The following ENAH variants were observed in gnomAD, a reference collection of about 807,000 sequenced individuals.
ENAH encodes the protein protein enabled homolog.
A neutral mutation model predicts 78.7 loss-of-function variants in ENAH; 23 were observed. The observed-to-expected ratio is 0.29, with a 90% CI of 0.21 to 0.41. ENAH has a LOEUF of 0.41. Ranked by LOEUF, ENAH falls within the 10% of genes least tolerant of loss-of-function variation. The probability of loss-of-function intolerance (pLI) is 1.00; values close to 1 mark genes in which losing one functional copy is unlikely to be tolerated. For synonymous variants in ENAH, 226 were observed against 241.0 expected (o/e 0.94, Z 0.58); for missense variants, 544 against 691.0 (o/e 0.79, Z 2.39).
At chr1:225,628,988 C>G (rs1304976537) in intron 1 of ENAH, among the ~76,000 whole-genome samples, 1 of 151,414 alleles carries the variant, frequency 6.6e-6, no homozygotes, top group Non-Finnish European at 1.5e-5. Flanking sequence ...TTGAGCAAGA[C>G]AGAAATATGG....
intron 1 of ENAH, among the ~76,000 whole-genome samples, chr1:225,591,999 G>C (rs576089932): frequency 6.6e-6 from 1 of 152,058 alleles, no homozygotes; most frequent in African/African-American, 2.4e-5. Context: ...TCTGTTCCCT[G>C]ATTTCTAGAG....
chr1:225,596,926 T>TA (rs1474471701), intron 1 of ENAH, among the ~76,000 whole-genome samples: 1 of 152,180 alleles, frequency 6.6e-6, no homozygotes, highest in East Asian at 1.9e-4. Context: ...ACCAGTGGGA[T>TA]AAAAATGGCA....
intron 1 of ENAH, among the ~76,000 whole-genome samples, chr1:225,587,671 A>T (rs2096854159): frequency 6.6e-6 from 1 of 152,184 alleles, no homozygotes; most frequent in South Asian, 2.1e-4. Context: ...ATTCATATGG[A>T]AATTCAAAGA....
chr1:225,584,177 A>G (rs76579422), intron 1 of ENAH, among the ~76,000 whole-genome samples: 6,867 of 152,296 alleles, frequency 0.045, 242 homozygotes, highest in South Asian at 0.12. Context: ...TAAATACAGG[A>G]TAAATATAAA....
chr1:225,532,985 T>A (rs563745074), intron 3 of ENAH, among the ~76,000 whole-genome samples: 3 of 152,118 alleles, frequency 2.0e-5, no homozygotes, highest in African/African-American at 7.2e-5. Flanking sequence ...TTTCCAGACA[T>A]CCTTTAAATT....
intron 1 of ENAH, among the ~76,000 whole-genome samples, chr1:225,620,353 C>T (rs928060403): frequency 6.6e-6 from 1 of 151,834 alleles, no homozygotes; most frequent in Non-Finnish European, 1.5e-5. Flanking sequence ...TGGTGAAACC[C>T]CGTATCTACC....
At chr1:225,581,855 A>ATTTTTTTT (rs35457889) in intron 1 of ENAH, among the ~76,000 whole-genome samples, 1 of 143,364 alleles carries the variant, frequency 7.0e-6, no homozygotes. Context: ...CACCCAGCTA[A>ATTTTTTTT]TTTTTTTTTT....
At chr1:225,573,771 T>TC (rs35006717) in intron 1 of ENAH, among the ~76,000 whole-genome samples, 1 of 152,184 alleles carries the variant, frequency 6.6e-6, no homozygotes, top group Non-Finnish European at 1.5e-5. Context: ...TTAATGATAC[T>TC]CCCAGTTAGT....
intron 4 of ENAH, among the ~76,000 whole-genome samples, chr1:225,520,955 AGG>A (rs1229513050): frequency 1.3e-3 from 6 of 4,460 alleles, no homozygotes; most frequent in South Asian, 5.8e-3. Flanking sequence ...GGAGGGAGGG[AGG>A]GAGGGAGGGA....
intron 1 of ENAH, among the ~76,000 whole-genome samples, chr1:225,583,390 C>A (rs1377036190): frequency 1.4e-5 from 2 of 142,828 alleles, no homozygotes; most frequent in African/African-American, 5.2e-5. Context: ...GCCAAGATCG[C>A]GCCATTGCAC....
chr1:225,593,983 C>G (rs1164461582), intron 1 of ENAH, among the ~76,000 whole-genome samples: 3 of 152,188 alleles, frequency 2.0e-5, no homozygotes, highest in Non-Finnish European at 4.4e-5. Context: ...CTTGAGATTA[C>G]ACTTGGTATT....
chr1:225,642,624 T>G (rs1424898612), intron 1 of ENAH, among the ~76,000 whole-genome samples: 1 of 152,154 alleles, frequency 6.6e-6, no homozygotes, highest in Non-Finnish European at 1.5e-5. Flanking sequence ...AAGCTATGAT[T>G]GTACCACTGC....
chr1:225,646,414 T>C (rs1661971488), intron 1 of ENAH, among the ~76,000 whole-genome samples: 1 of 151,908 alleles, frequency 6.6e-6, no homozygotes, highest in East Asian at 1.9e-4. Context: ...CACCCTACCA[T>C]GTGAGGACAC....
At chr1:225,615,659 C>A (rs151229545) in intron 1 of ENAH, among the ~76,000 whole-genome samples, 2 of 150,906 alleles carry the variant, frequency 1.3e-5, no homozygotes, top group Non-Finnish European at 1.5e-5. Flanking sequence ...CCCGCCACCC[C>A]GTCTGGGATG....
At chr1:225,615,762 C>T (rs2097026510) in intron 1 of ENAH, among the ~76,000 whole-genome samples, 1 of 151,810 alleles carries the variant, frequency 6.6e-6, no homozygotes, top group South Asian at 2.1e-4. Flanking sequence ...AGGAGCGTCT[C>T]TGCCCGGCCG....
chr1:225,508,633 C>CT (rs899258160), intron 10 of ENAH: 1 of 152,216 alleles, frequency 6.6e-6, no homozygotes, highest in African/African-American at 2.4e-5. Context: ...GCTCTAAGCT[C>CT]TTATTACAAA....
At chr1:225,614,974 T>C (rs891401732) in intron 1 of ENAH, among the ~76,000 whole-genome samples, 1 of 151,848 alleles carries the variant, frequency 6.6e-6, no homozygotes, top group Non-Finnish European at 1.5e-5. Flanking sequence ...GTAATACTTT[T>C]CTCCCTCTCC....
At chr1:225,637,276 C>T (rs1409276182) in intron 1 of ENAH, among the ~76,000 whole-genome samples, 1 of 152,144 alleles carries the variant, frequency 6.6e-6, no homozygotes, top group African/African-American at 2.4e-5. Context: ...GGTGCAATCT[C>T]TGCTCACTGC....
chr1:225,504,337 G>A (rs750378811), intron 11 of ENAH, among the ~76,000 whole-genome samples: 3 of 151,848 alleles, frequency 2.0e-5, no homozygotes, highest in Admixed American at 6.6e-5. Context: ...TGATGAGAGC[G>A]TTGCCTTTAA....
Sources: allele counts gnomAD v4.1 joint callset (sites outside exome capture counted in the v4.1 genomes callset), GRCh38; gene constraint gnomAD v4.1.1; transcripts MANE v1.5; gene names NCBI Gene and HGNC (gene_info 2026-07-23, HGNC 2026-07-21).